The following HHAT variants were observed in gnomAD, a reference collection of about 807,000 sequenced individuals.
HHAT encodes protein-cysteine N-palmitoyltransferase HHAT.
In HHAT, 47 loss-of-function variants were observed where a neutral mutation model predicts 70.8. The observed-to-expected ratio is 0.66, with a 90% CI of 0.53 to 0.85. The LOEUF (loss-of-function observed/expected upper bound fraction) is 0.85, where lower values mean the gene tolerates loss of function less well. HHAT is among the 40% of genes least tolerant of loss of function. HHAT has a pLI of 0.00. For missense variants in HHAT, 609 were observed against 604.8 expected (o/e 1.01, Z -0.07); for synonymous variants, 228 against 247.6 (o/e 0.92, Z 0.74).
At chr1:210,641,891 C>G (rs760209821) in intron 11 of HHAT, among the ~76,000 whole-genome samples, 1 of 152,256 alleles carries the variant, frequency 6.6e-6, no homozygotes, top group Non-Finnish European at 1.5e-5. Context: ...ACCCTTCTTA[C>G]ACCCTCTTCC....
intron 7 of HHAT, among the ~76,000 whole-genome samples, chr1:210,433,561 T>C (rs2093305841): frequency 2.9e-5 from 1 of 34,356 alleles, no homozygotes; most frequent in African/African-American, 1.0e-4. Flanking sequence ...CCTCTCCTGG[T>C]GGGGGTGGAA....
intron 9 of HHAT, among the ~76,000 whole-genome samples, chr1:210,572,722 G>C (rs1656624074): frequency 6.6e-6 from 1 of 151,944 alleles, no homozygotes; most frequent in South Asian, 2.1e-4. Flanking sequence ...AGTGAGACCT[G>C]GTCTCTAAAA....
intron 8 of HHAT, among the ~76,000 whole-genome samples, chr1:210,487,518 C>G (rs1417718797): frequency 2.0e-5 from 3 of 152,060 alleles, no homozygotes; most frequent in Non-Finnish European, 4.4e-5. Context: ...GTTTTGACAG[C>G]CAGGAAGCAT....
intron 11 of HHAT, among the ~76,000 whole-genome samples, chr1:210,636,264 C>A (rs1018913746): frequency 6.6e-6 from 1 of 152,150 alleles, no homozygotes; most frequent in African/African-American, 2.4e-5. Flanking sequence ...TAGGGCTGAC[C>A]CAATAGTTAC....
chr1:210,667,774 T>TC (rs1679233598), intron 11 of HHAT, among the ~76,000 whole-genome samples: 1 of 152,212 alleles, frequency 6.6e-6, no homozygotes, highest in Admixed American at 6.5e-5. Flanking sequence ...ATATACTGTA[T>TC]TATTTTGCCA....
intron 6 of HHAT, among the ~76,000 whole-genome samples, chr1:210,409,870 T>C (rs1307912822): frequency 6.6e-6 from 1 of 152,342 alleles, no homozygotes; most frequent in East Asian, 1.9e-4. Context: ...TATTTTTTAG[T>C]GATGCCTGAA....
chr1:210,567,050 T>C (rs1384220667), intron 9 of HHAT, among the ~76,000 whole-genome samples: 1 of 152,224 alleles, frequency 6.6e-6, no homozygotes, highest in African/African-American at 2.4e-5. Flanking sequence ...TGCACATCTC[T>C]GTCTCTGTGC....
At chr1:210,630,503 A>G (rs1467908075) in intron 11 of HHAT, among the ~76,000 whole-genome samples, 2 of 152,226 alleles carry the variant, frequency 1.3e-5, no homozygotes, top group African/African-American at 4.8e-5. Flanking sequence ...ATTTCACAGA[A>G]GGACACAAGT....
intron 8 of HHAT, among the ~76,000 whole-genome samples, chr1:210,488,770 G>A (rs2094509460): frequency 6.6e-6 from 1 of 150,970 alleles, no homozygotes; most frequent in Admixed American, 6.6e-5. Context: ...GTACACACCT[G>A]TAGTCCTAGC....
chr1:210,615,325 A>G (rs1050029559), intron 10 of HHAT, among the ~76,000 whole-genome samples: 1 of 152,136 alleles, frequency 6.6e-6, no homozygotes, highest in Non-Finnish European at 1.5e-5. Context: ...TGGTTATTCT[A>G]GTTAGCCATT....
chr1:210,503,240 A>G (rs189197662), intron 8 of HHAT, among the ~76,000 whole-genome samples: 1 of 152,290 alleles, frequency 6.6e-6, no homozygotes, highest in Non-Finnish European at 1.5e-5. Flanking sequence ...GATTACAGGC[A>G]TGAGCCACTA....
At chr1:210,578,133 T>C (rs1658345178) in intron 9 of HHAT, among the ~76,000 whole-genome samples, 1 of 152,308 alleles carries the variant, frequency 6.6e-6, no homozygotes, top group South Asian at 2.1e-4. Flanking sequence ...GACTTTTCTT[T>C]GTTGTGAGGT....
chr1:210,599,943 C>T (rs564833789), intron 10 of HHAT, among the ~76,000 whole-genome samples: 2 of 152,248 alleles, frequency 1.3e-5, no homozygotes, highest in Admixed American at 6.5e-5. Flanking sequence ...CTGTTCATTA[C>T]ATACCTGATC....
chr1:210,502,068 C>T (rs1352536443), intron 8 of HHAT, among the ~76,000 whole-genome samples: 2 of 149,760 alleles, frequency 1.3e-5, no homozygotes, highest in South Asian at 2.1e-4. Flanking sequence ...TTTTGCTTAT[C>T]AGCGGTTCAT....
intron 9 of HHAT, among the ~76,000 whole-genome samples, chr1:210,514,873 A>G (rs1047462592): frequency 1.3e-5 from 2 of 152,228 alleles, no homozygotes; most frequent in African/African-American, 4.8e-5. Context: ...CCAGGCCTGT[A>G]GTTAGAGAGA....
chr1:210,611,729 T>C (rs1666624714), intron 10 of HHAT, among the ~76,000 whole-genome samples: 1 of 152,226 alleles, frequency 6.6e-6, no homozygotes, highest in South Asian at 2.1e-4. Flanking sequence ...TGTTGAATTT[T>C]CTCGAAGGCC....
At chr1:210,452,838 A>G (rs1296946375) in intron 7 of HHAT, among the ~76,000 whole-genome samples, 4 of 152,236 alleles carry the variant, frequency 2.6e-5, no homozygotes, top group Non-Finnish European at 5.9e-5. Context: ...AGAGTGAGCG[A>G]GGAGATAGAA....
intron 8 of HHAT, among the ~76,000 whole-genome samples, chr1:210,474,360 G>A (rs985493032): frequency 6.6e-6 from 1 of 152,118 alleles, no homozygotes; most frequent in Non-Finnish European, 1.5e-5. Context: ...GCGCCATCAC[G>A]GCTCACTGCA....
chr1:210,456,069 T>C lies in HHAT; in HGVS notation c.857-8436T>C, dbSNP rs2093860246. Among the ~76,000 whole-genome samples the C allele has an allele frequency of 1.3e-5, 2 of 152,122 alleles. 1 individual carries two copies. The highest frequency in any genetic ancestry group is 1.3e-4 in the Admixed American group (2 of 15,280). On this transcript the variant is annotated intron_variant, in intron 7 of 11. Transcript: ENST00000261458. The stretch of plus-strand genomic sequence containing the variant: ...GGTTTTGGCTTTGTCCCCTTCTGTT[T>C]GGCTGCTGTCCCTCCAGGCCTGTTG...
Sources: allele counts gnomAD v4.1 joint callset (sites outside exome capture counted in the v4.1 genomes callset), GRCh38; gene constraint gnomAD v4.1.1; transcripts MANE v1.5; gene names NCBI Gene and HGNC (gene_info 2026-07-23, HGNC 2026-07-21).